The following WDR83 variants were observed in gnomAD, a reference collection of about 807,000 sequenced individuals.
WDR83 encodes WD repeat domain 83, also known as WD repeat domain-containing protein 83.
In WDR83, 37 loss-of-function variants were observed where a neutral mutation model predicts 37.7. The observed-to-expected ratio is 0.98, with a 90% confidence interval of 0.76 to 1.29. The LOEUF (loss-of-function observed/expected upper bound fraction) is 1.29, where lower values mean the gene tolerates loss of function less well. WDR83 is among the 50% of genes most tolerant of loss of function. WDR83 has a pLI of 0.00. For missense variants in WDR83, 445 were observed against 414.4 expected, an observed-to-expected ratio of 1.07 and a Z score of -0.64; for synonymous variants, 174 against 181.1, an observed-to-expected ratio of 0.96 and a Z score of 0.31.
intron 7 of WDR83, 123 bp from the exon 8 acceptor site, chr19:12,672,724 A>C (rs1418713141): frequency 9.7e-7 from 1 of 1,027,724 alleles, no homozygotes; most frequent in East Asian, 2.6e-5. Flanking sequence ...TCTCAAGGCC[A>C]GAGCTTCAGA....
At chr19:12,674,395 C>T (rs1266309746) in intron 10 of WDR83, among the ~76,000 whole-genome samples, 1 of 152,180 alleles carries the variant, frequency 6.6e-6, no homozygotes, top group Non-Finnish European at 1.5e-5. Context: ...AAGGAGACAT[C>T]AGCGCTGGGC....
At chr19:12,675,399 G>A (rs1168675862) in intron 10 of WDR83, 124 bp from the exon 11 acceptor site, 4 of 1,370,180 alleles carry the variant, frequency 2.9e-6, no homozygotes, top group Non-Finnish European at 3.9e-6. Context: ...GAGGCAGGTG[G>A]CTGAAGGTCG....
chr19:12,675,306 G>A (rs1231657461), intron 10 of WDR83, among the ~76,000 whole-genome samples: 1 of 152,154 alleles, frequency 6.6e-6, no homozygotes, highest in Non-Finnish European at 1.5e-5. Context: ...CCCAAGACTT[G>A]CGGCCTGAAC....
intron 10 of WDR83, among the ~76,000 whole-genome samples, chr19:12,674,348 C>CT (rs1369812576): frequency 1.3e-5 from 2 of 152,182 alleles, no homozygotes; most frequent in Non-Finnish European, 2.9e-5. Flanking sequence ...ACAGACCATC[C>CT]TGGTGTAGTG....
chr19:12,673,456 C>A, intron 10 of WDR83, 140 bp downstream of exon 10: 1 of 620,158 alleles, frequency 1.6e-6, no homozygotes, highest in South Asian at 2.1e-5. Context: ...CTTGCTCTGT[C>A]GCCCAGGCTA....
Position 12,669,795 on chromosome 19 carries a change from C to T in WDR83, c.5C>T (p.Ala2Val). 1.9e-6 allele frequency: 3 copies of T among 1,604,010 alleles called. No homozygotes were observed. Among genetic ancestry groups the T allele is most frequent in the East Asian group, 4.5e-5 (2 of 44,804 alleles). M[A>V]FPEPKPRPPE... ...CAAGGAAGGAGTCCTGGGAGCATGG[C>T]TTTCCCTGAGCCAAAGCCGCGGCCT... The change falls in exon 3 of 11, where the codon GCT (alanine) becomes GTT (valine). Residue 2 changes from alanine to valine, a missense_variant. By Grantham distance (64) the Ala-to-Val change is moderately conservative (BLOSUM62 0). Coordinates refer to ENST00000418543, the MANE Select transcript of WDR83 (RefSeq NM_001099737.3).
intron 7 of WDR83, chr19:12,672,604 G>C (rs2024455746): frequency 3.7e-6 from 2 of 542,628 alleles, no homozygotes. Context: ...GCAAAACTCT[G>C]TCTCAAACAA....
In WDR83 at chr19:12,670,111, C is replaced by T. The variant is rs764858011; in HGVS notation, c.224+14C>T. 9.3e-6 allele frequency: 15 copies of T among 1,608,492 alleles called. No homozygotes were observed. In the East Asian group the frequency reaches 2.9e-4, roughly 31 times the overall value. ...GGATGCGGCCGGGTGAGCCGGGGAC[C>T]AGGCTGGGATGGGAGCGCTGAGGCT... On this transcript the variant is annotated intron_variant, in intron 4 of 10. Coordinates refer to ENST00000418543, the MANE Select transcript of WDR83 (RefSeq NM_001099737.3).
intron 7 of WDR83, 129 bp downstream of exon 7, chr19:12,670,950 G>A: frequency 2.1e-6 from 3 of 1,407,688 alleles, no homozygotes; most frequent in Non-Finnish European, 2.9e-6. Flanking sequence ...TACTTGGGAG[G>A]CTGAAGTGGA....
intron 10 of WDR83, among the ~76,000 whole-genome samples, chr19:12,674,985 G>A (rs1220225571): frequency 2.6e-5 from 4 of 152,008 alleles, no homozygotes; most frequent in Non-Finnish European, 4.4e-5. Flanking sequence ...ATGGTAGCGC[G>A]TGCCTGTAAT....
At chr19:12,674,429 T>C (rs2024510824) in intron 10 of WDR83, among the ~76,000 whole-genome samples, 1 of 151,794 alleles carries the variant, frequency 6.6e-6, no homozygotes, top group Non-Finnish European at 1.5e-5. Flanking sequence ...CTAAGGCCCA[T>C]AAGAGGATGG....
At chr19:12,667,078 T>A (rs1273640055) in intron 1 of WDR83, 86 bp downstream of exon 1, 1 of 296,228 alleles carries the variant, frequency 3.4e-6, no homozygotes, top group African/African-American at 2.3e-5. Flanking sequence ...GTCCGTCCCA[T>A]GGACCTTCAG....
chr19:12,673,843 G>T (rs1440210064), intron 10 of WDR83, among the ~76,000 whole-genome samples: 1 of 151,854 alleles, frequency 6.6e-6, no homozygotes, highest in Non-Finnish European at 1.5e-5. Context: ...GGGATTACAG[G>T]CCCCTACCAC....
chr19:12,668,631 A>C lies in WDR83; in HGVS notation c.-37+4A>C. Reference sequence around the variant, plus strand: ...ACACCACTTCAGCTAGGGAAAGGTAAGTGGGTGGGCAGGTTAGTGAAAGGC... The same window carrying C: ...ACACCACTTCAGCTAGGGAAAGGTACGTGGGTGGGCAGGTTAGTGAAAGGC... On this transcript the variant is annotated splice_donor_region_variant and intron_variant, in intron 2 of 10. Coordinates refer to ENST00000418543, the MANE Select transcript of WDR83 (RefSeq NM_001099737.3). The C allele has an allele frequency of 1.9e-6, 3 of 1,612,546 alleles. 1 individual carries two copies. In the South Asian group the frequency reaches 3.3e-5, roughly 18 times the overall value.
At chr19:12,668,260 G>A (rs2145300832) in intron 1 of WDR83, 1 of 1,288,238 alleles carries the variant, frequency 7.8e-7, no homozygotes, top group African/African-American at 1.5e-5. Flanking sequence ...GCCTCATTCA[G>A]GGAAGTCCAG....
rs1277496829 is a variant in WDR83, at chr19:12,672,872, T to C, written c.532T>C (p.Tyr178His). The change falls in exon 8 of 11, where the codon TAT becomes CAT. Residue 178 changes from tyrosine (Y) to histidine (H), a missense_variant. Physicochemically the swap from Tyr to His is moderately conservative, Grantham distance 83. Coordinates refer to ENST00000418543, the MANE Select transcript of WDR83 (RefSeq NM_001099737.3). ...AGSVDGRVRR[Y>H]DLRMGQLFSD... ...CTCCGTGGATGGCCGCGTGAGACGC[T>C]ATGACCTAAGGATGGGGCAGCTCTT... 6.3e-7 allele frequency: 1 copy of C among 1,593,608 alleles called. No homozygotes were observed. The highest frequency in any genetic ancestry group is 8.5e-7 in the Non-Finnish European group (1 of 1,169,962).
chr19:12,670,491 G>C (rs1272220261), intron 5 of WDR83, 72 bp from the exon 6 acceptor site: 1 of 1,610,512 alleles, frequency 6.2e-7, no homozygotes, highest in African/African-American at 1.3e-5. Flanking sequence ...TGCTTTAACC[G>C]ACACTGGGAA....
intron 1 of WDR83, chr19:12,668,154 A>T: frequency 3.5e-6 from 2 of 575,162 alleles, no homozygotes; most frequent in Non-Finnish European, 6.2e-6. Context: ...CATCTCCCCC[A>T]GCAGCAGGCA....
chr19:12,672,557 A>G (rs1192462326), intron 7 of WDR83: 1 of 427,596 alleles, frequency 2.3e-6, no homozygotes, highest in East Asian at 4.6e-5. Context: ...CCGGTGAGCC[A>G]AGATCATGCC....
Sources: allele counts gnomAD v4.1 joint callset (sites outside exome capture counted in the v4.1 genomes callset), GRCh38; gene constraint gnomAD v4.1.1; transcripts MANE v1.5; gene names NCBI Gene and HGNC (gene_info 2026-07-23, HGNC 2026-07-21).